RGSL1: variants seen among roughly 807,000 people sequenced by gnomAD.
RGSL1 encodes the protein regulator of G protein signaling like 1.
Under a neutral mutation model 124.7 loss-of-function variants are expected in RGSL1, and 97 were observed. The observed-to-expected ratio is 0.78, with a 90% CI of 0.66 to 0.92. The LOEUF (loss-of-function observed/expected upper bound fraction) is 0.92, where lower values mean the gene tolerates loss of function less well. RGSL1 is among the 40% of genes least tolerant of loss of function. RGSL1 has a pLI of 0.00. For missense variants in RGSL1, 1,233 were observed against 1,288.4 expected, an observed-to-expected ratio of 0.96 and a Z score of 0.66; for synonymous variants, 424 against 438.1, an observed-to-expected ratio of 0.97 and a Z score of 0.40.
chr1:182,538,266 A>G (rs1659672759), intron 14 of RGSL1, among the ~76,000 whole-genome samples: 1 of 152,178 alleles, frequency 6.6e-6, no homozygotes, highest in African/African-American at 2.4e-5. Context: ...TGGTGGCTCA[A>G]GCCTGTAATC....
intron 10 of RGSL1, among the ~76,000 whole-genome samples, chr1:182,526,497 G>A (rs267877): frequency 0.87 from 132,219 of 151,640 alleles, 57,976 homozygotes; most frequent in African/African-American, 0.9. Flanking sequence ...GTGAAACTCC[G>A]TCTCTAAAAA....
chr1:182,556,907 C>G (rs1660899280), intron 21 of RGSL1, among the ~76,000 whole-genome samples: 1 of 152,164 alleles, frequency 6.6e-6, no homozygotes, highest in African/African-American at 2.4e-5. Context: ...GTTGGCTTGT[C>G]ATCTCTGTGG....
In RGSL1 at chr1:182,474,484, T is replaced by C. The variant is rs1327628103; in HGVS notation, c.1373T>C (p.Leu458Pro). The C allele has an allele frequency of 6.4e-7, 1 of 1,551,548 alleles. No homozygotes were observed. Among genetic ancestry groups the C allele is most frequent in the Non-Finnish European group, 8.7e-7 (1 of 1,146,764 alleles). The change falls in exon 6 of 22, where the codon CTA (leucine) becomes CCA (proline). Residue 458 changes from leucine to proline, a missense_variant. Transcript: ENST00000294854. Reference sequence around the variant, plus strand: ...CAAACCATTCAGGGCCTGAAGGAACTATTGCCCTCTGGGGATGTGATCCCC... The same window carrying C: ...CAAACCATTCAGGGCCTGAAGGAACCATTGCCCTCTGGGGATGTGATCCCC... ...KSQTIQGLKE[L>P]LPSGDVIPWI... is the part of the protein sequence containing the mutation.
rs772873302 is a variant in RGSL1 at position 182,542,378 on chromosome 1, G to T, written c.2669+1957G>T. On this transcript the variant is annotated intron_variant, in intron 15 of 21. Coordinates refer to ENST00000294854, the MANE Select transcript of RGSL1 (RefSeq NM_001137669.2). Reference sequence around the variant, plus strand: ...TGTCAAAAGTGTGTTGGCTGCAAAGGCATGGATTTATATCTGAATTGTCTA... The same window carrying T: ...TGTCAAAAGTGTGTTGGCTGCAAAGTCATGGATTTATATCTGAATTGTCTA... Among the ~76,000 whole-genome samples the T allele has an allele frequency of 2.6e-5, 4 of 152,092 alleles. No individual in the cohort carries two copies. In the South Asian group the frequency reaches 8.3e-4, roughly 32 times the overall value.
intron 10 of RGSL1, among the ~76,000 whole-genome samples, chr1:182,522,797 T>C (rs113848730): frequency 0.011 from 1,645 of 152,340 alleles, 20 homozygotes; most frequent in African/African-American, 0.034. Context: ...CTTTACTTTT[T>C]AGGTATGTTT....
intron 9 of RGSL1, 127 bp from the exon 10 acceptor site, chr1:182,521,877 G>C (rs897785091): frequency 1.6e-6 from 1 of 629,302 alleles, no homozygotes; most frequent in African/African-American, 1.9e-5. Flanking sequence ...CTTAACCTGA[G>C]ATGGCAGCAG....
Position 182,488,327 on chromosome 1 carries a change from T to C in RGSL1, c.1474T>C (p.Tyr492His). Residue 492 changes from tyrosine (Y) to histidine (H), a missense_variant, in exon 7 of 22, where the codon TAC (tyrosine) becomes CAC (histidine). Physicochemically the swap from Tyr to His is moderately conservative, Grantham distance 83 (BLOSUM62 2). Coordinates refer to ENST00000294854, the MANE Select transcript of RGSL1 (RefSeq NM_001137669.2). ...TGATGAGTTTCTAGATGAAGAGGAC[T>C]ACTGGTTTCTCCTTTTTACGGTAGG... is the stretch of plus-strand genomic sequence containing the variant. ...WYDEFLDEED[Y>H]WFLLFTTQNR... 6 of 1,552,380 alleles carry C rather than the reference T, an allele frequency of 3.9e-6. No individual in the cohort carries two copies. Among genetic ancestry groups the C allele is most frequent in the Non-Finnish European group, 5.2e-6 (6 of 1,147,140 alleles).
At chr1:182,473,419 C>T (rs1201803342) in intron 5 of RGSL1, among the ~76,000 whole-genome samples, 156 bp from the exon 6 acceptor site, 1 of 152,096 alleles carries the variant, frequency 6.6e-6, no homozygotes, top group Non-Finnish European at 1.5e-5. Context: ...AATGTGTCGA[C>T]TCTATATTTA....
At chr1:182,470,839 C>T (rs1315757835) in intron 4 of RGSL1, among the ~76,000 whole-genome samples, 1 of 152,074 alleles carries the variant, frequency 6.6e-6, no homozygotes, top group Non-Finnish European at 1.5e-5. Context: ...TAACTTTTGG[C>T]TCACTAGGGA....
chr1:182,541,638 T>C (rs1159565188), intron 15 of RGSL1, among the ~76,000 whole-genome samples: 1 of 152,220 alleles, frequency 6.6e-6, no homozygotes, highest in African/African-American at 2.4e-5. Flanking sequence ...TTTTAGCTTT[T>C]TGAGGAAGCT....
intron 4 of RGSL1, among the ~76,000 whole-genome samples, chr1:182,467,696 C>T (rs1653459307): frequency 6.6e-6 from 1 of 152,204 alleles, no homozygotes; most frequent in Non-Finnish European, 1.5e-5. Context: ...CCATTCAGAA[C>T]ATAGGCATGG....
At chr1:182,495,327 A>G (rs753963787) in intron 9 of RGSL1, among the ~76,000 whole-genome samples, 1 of 152,152 alleles carries the variant, frequency 6.6e-6, no homozygotes, top group African/African-American at 2.4e-5. Flanking sequence ...GCAGAGTGTC[A>G]TTCTGTCTGC....
At chr1:182,505,370 G>T (rs1259916614) in intron 9 of RGSL1, among the ~76,000 whole-genome samples, 1 of 49,298 alleles carries the variant, frequency 2.0e-5, no homozygotes, top group African/African-American at 9.4e-5. Flanking sequence ...CCACTGATGT[G>T]GAGATTGGTG....
chr1:182,537,735 C>T (rs989957001), intron 14 of RGSL1, among the ~76,000 whole-genome samples: 3 of 152,082 alleles, frequency 2.0e-5, no homozygotes, highest in African/African-American at 7.2e-5. Flanking sequence ...TCTAGTCTCT[C>T]GGTGGAAACA....
chr1:182,472,381 C>G lies in RGSL1; in HGVS notation c.302-15C>G. ...ACTAGGGTATAGCTCTGTGCCTCTT[C>G]TGTCTCACCCGTAGGTGAAGAATTG... On this transcript the variant is annotated splice_polypyrimidine_tract_variant and intron_variant, in intron 4 of 21. Transcript: ENST00000294854. The G allele has an allele frequency of 6.5e-7, 1 of 1,543,248 alleles. No homozygotes were observed. The highest frequency in any genetic ancestry group is 8.8e-7 in the Non-Finnish European group (1 of 1,141,000).
chr1:182,465,139 G>C (rs896553303), intron 4 of RGSL1, among the ~76,000 whole-genome samples: 2 of 147,624 alleles, frequency 1.4e-5, no homozygotes, highest in Admixed American at 1.3e-4. Flanking sequence ...GAAATAAAAA[G>C]GATTATAGAA....
At chr1:182,486,397 A>C (rs1025401373) in intron 6 of RGSL1, among the ~76,000 whole-genome samples, 17 of 149,820 alleles carry the variant, frequency 1.1e-4, no homozygotes, top group African/African-American at 3.9e-4. Flanking sequence ...TGCAACCTCC[A>C]TCTTCCAGGT....
chr1:182,511,593 G>A (rs988353381), intron 9 of RGSL1, among the ~76,000 whole-genome samples: 6 of 152,192 alleles, frequency 3.9e-5, no homozygotes, highest in South Asian at 2.1e-4. Context: ...TGGGCTCTGT[G>A]TTCTGTCCCA....
chr1:182,485,329 C>G (rs911400775), intron 6 of RGSL1, among the ~76,000 whole-genome samples: 3 of 152,148 alleles, frequency 2.0e-5, no homozygotes, highest in Admixed American at 2.0e-4. Context: ...TCAATGTACA[C>G]TTTCCTTTTG....
Sources: allele counts gnomAD v4.1 joint callset (sites outside exome capture counted in the v4.1 genomes callset), GRCh38; gene constraint gnomAD v4.1.1; transcripts MANE v1.5; gene names NCBI Gene and HGNC (gene_info 2026-07-23, HGNC 2026-07-21).